Variants in SYNM observed in about 807,000 individuals in gnomAD.
SYNM encodes synemin.
A neutral mutation model predicts 104.0 loss-of-function variants in SYNM; 95 were observed. The observed-to-expected ratio is 0.91, with a 90% CI of 0.77 to 1.08. SYNM has a LOEUF of 1.08. Ranked by LOEUF, SYNM falls within the 50% of genes least tolerant of loss-of-function variation. SYNM has a pLI of 0.00. For missense variants in SYNM, 2,150 were observed against 2,052.2 expected, an observed-to-expected ratio of 1.05 and a Z score of -0.92; for synonymous variants, 918 against 869.0, an observed-to-expected ratio of 1.06 and a Z score of -0.99.
downstream of SYNM, among the ~76,000 whole-genome samples, chr15:99,135,794 C>G (rs562288144): frequency 4.5e-4 from 69 of 152,338 alleles, no homozygotes. Context: ...GAAAGCCTGG[C>G]AGACAGAGCA....
intron 2 of SYNM, among the ~76,000 whole-genome samples, chr15:99,125,427 C>A (rs1335527580): frequency 6.6e-6 from 1 of 152,232 alleles, no homozygotes; most frequent in Non-Finnish European, 1.5e-5. Flanking sequence ...GAGCGAAGGG[C>A]TGGGGCTCTG....
chr15:99,133,224 A>G lies in SYNM; in HGVS notation c.*166A>G. 1 of 1,385,426 alleles carries G rather than the reference A, an allele frequency of 7.2e-7. No individual in the cohort carries two copies. The highest frequency in any genetic ancestry group is 9.5e-7 in the Non-Finnish European group (1 of 1,057,116). The allele number at this position is 1,385,426 out of a possible 1,614,324, so 85.8% of individuals were successfully genotyped here. ...AATTTCCTTTATAGTTAATCCGTAA[A>G]GGTTTCCAGTTAATTCATGCCTTAA... is the stretch of plus-strand genomic sequence containing the variant. On this transcript the variant is annotated 3_prime_UTR_variant, in exon 4 of 4. Transcript: ENST00000336292.
the SYNM span, among the ~76,000 whole-genome samples, chr15:99,141,763 T>C: frequency 6.6e-6 from 1 of 152,174 alleles, no homozygotes; most frequent in East Asian, 1.9e-4. Context: ...AATGTTTCAG[T>C]CTGAGGAATT....
intron 2 of SYNM, among the ~76,000 whole-genome samples, chr15:99,125,504 C>T (rs1314897635): frequency 6.6e-6 from 1 of 152,260 alleles, no homozygotes; most frequent in African/African-American, 2.4e-5. Flanking sequence ...CGGGGCAGGC[C>T]CGCTGTGTGC....
chr15:99,105,458 G>C lies in SYNM; in HGVS notation c.259G>C (p.Ala87Pro), dbSNP rs1555482413. The change falls in exon 1 of 4, where the codon GCT (alanine) becomes CCT (proline). Residue 87 changes from alanine (A) to proline (P), a missense_variant. Transcript: ENST00000336292. The part of the protein sequence containing the change: ...ATALAEGERD[A>P]LRRELRELQR... ...TGCGCTGGCGGAGGGCGAGCGGGACGCTCTGCGGCGCGAGCTGCGGGAGCT... is the reference window on the plus strand; with the variant it reads ...TGCGCTGGCGGAGGGCGAGCGGGACCCTCTGCGGCGCGAGCTGCGGGAGCT... The C allele has an allele frequency of 7.1e-7, 1 of 1,403,160 alleles. No homozygotes were observed. The highest frequency in any genetic ancestry group is 3.1e-5 in the East Asian group (1 of 32,358). The allele number at this position is 1,403,160 out of a possible 1,614,324, so 86.9% of individuals were successfully genotyped here. A position where few individuals can be genotyped will look rare whatever the true frequency, so the allele number is the denominator to read the frequency against.
chr15:99,113,407 A>G (rs1192483484), intron 1 of SYNM, among the ~76,000 whole-genome samples, 184 bp from the exon 2 acceptor site: 2 of 152,336 alleles, frequency 1.3e-5, no homozygotes, highest in African/African-American at 4.8e-5. Context: ...AAACTTCCAT[A>G]TGGAAGAGAT....
At position 99,111,306 on chromosome 15, in the gene SYNM, T is replaced by C. The variant is rs1277093505; in HGVS notation, c.811-2285T>C. Among the ~76,000 whole-genome samples the C allele has an allele frequency of 4.6e-5, 7 of 152,366 alleles. No homozygotes were observed. In the East Asian group the frequency reaches 5.8e-4, roughly 13 times the overall value. ...ATTACTATAAATTTTTAATTTGTAA[T>C]AGTTATGTCAAATTTCCTGTAGTAG... On this transcript the variant is annotated intron_variant, in intron 1 of 3. Transcript: ENST00000336292.
chr15:99,139,255 T>C (rs781959295), downstream of SYNM: 1 of 1,586,364 alleles, frequency 6.3e-7, no homozygotes, highest in Non-Finnish European at 8.5e-7. Context: ...GAACCAGCTT[T>C]CTCTTGAGAT....
intron 2 of SYNM, among the ~76,000 whole-genome samples, chr15:99,118,601 A>T (rs1457338289): frequency 2.6e-5 from 4 of 152,236 alleles, no homozygotes; most frequent in Non-Finnish European, 5.9e-5. Flanking sequence ...CTTCTAGGTG[A>T]CTGTCACAGG....
Position 99,113,620 on chromosome 15 carries a change from G to A in SYNM, c.840G>A (p.Lys280=). 1 of 1,613,600 alleles carries A rather than the reference G, an allele frequency of 6.2e-7. No homozygotes were observed. The highest frequency in any genetic ancestry group is 1.3e-5 in the African/African-American group (1 of 75,036). ...TGATTGACTGCCTGGAGGATGAGAAGGCAACCCTCACCTTGGCCATGGCTG... is the reference window on the plus strand; with the variant it reads ...TGATTGACTGCCTGGAGGATGAGAAAGCAACCCTCACCTTGGCCATGGCTG... The part of the protein sequence containing the change: ...QRVIDCLEDE[K]ATLTLAMADW... The change falls in exon 2 of 4, where the codon AAG becomes AAA. Residue 280 remains lysine (K), a synonymous_variant. Coordinates refer to ENST00000336292, the MANE Select transcript of SYNM (RefSeq NM_145728.3).
At position 99,126,691 on chromosome 15, in the gene SYNM, A is replaced by G. The variant is rs542804088; in HGVS notation, c.936-31A>G. The G allele has an allele frequency of 1.3e-5, 20 of 1,550,946 alleles. No individual in the cohort carries two copies. The East Asian group carries it at 4.6e-4, about 35-fold the overall frequency. On this transcript the variant is annotated intron_variant, in intron 2 of 3. Coordinates refer to ENST00000336292, the MANE Select transcript of SYNM (RefSeq NM_145728.3). ...GGCACTTCTTACTCTTTCGTTTCCTAATGAATTATGTTTGTAAATTATTTT... is the reference window on the plus strand; with the variant it reads ...GGCACTTCTTACTCTTTCGTTTCCTGATGAATTATGTTTGTAAATTATTTT...
chr15:99,115,682 G>A (rs182376189), intron 2 of SYNM, among the ~76,000 whole-genome samples: 2,726 of 151,986 alleles, frequency 0.018, 83 homozygotes, highest in African/African-American at 0.062. Context: ...GGCTGGTCTC[G>A]AACTCCTGAC....
downstream of SYNM, among the ~76,000 whole-genome samples, chr15:99,135,824 T>A (rs2067567102): frequency 6.6e-6 from 1 of 152,222 alleles, no homozygotes; most frequent in Non-Finnish European, 1.5e-5. Context: ...TGGCTTGTAA[T>A]CAAATATACA....
chr15:99,124,741 C>T (rs2067431874), intron 2 of SYNM, among the ~76,000 whole-genome samples: 3 of 152,154 alleles, frequency 2.0e-5, no homozygotes, highest in Non-Finnish European at 4.4e-5. Flanking sequence ...AGCCGTATGC[C>T]CTTGACCAAG....
chr15:99,108,854 A>G (rs975194905), intron 1 of SYNM, among the ~76,000 whole-genome samples: 24 of 152,264 alleles, frequency 1.6e-4, no homozygotes, highest in African/African-American at 4.3e-4. Context: ...CATTCATAGC[A>G]TAATGATAAT....
At chr15:99,137,191 C>T (rs1278273608), downstream of SYNM, 2 of 152,334 alleles carry the variant, frequency 1.3e-5, no homozygotes, top group Admixed American at 6.5e-5. Context: ...GCTTCCTGTT[C>T]GACTTTGCCA....
Position 99,131,193 on chromosome 15 carries a change from C to G in SYNM, c.2833C>G (p.Pro945Ala), listed in dbSNP as rs1456247479. ...TSMKGISSKEPRQQLVEVIGQ... is the reference protein window; with the variant it reads ...TSMKGISSKEARQQLVEVIGQ... ...CATGAAGGGCATCTCCTCCAAGGAG[C>G]CCCGGCAGCAGCTGGTGGAGGTCAT... Residue 945 changes from proline to alanine, a missense_variant, in exon 4 of 4, where the codon CCC becomes GCC. Coordinates refer to ENST00000336292, the MANE Select transcript of SYNM (RefSeq NM_145728.3). The surrounding 1 kb of genome is among the most constrained non-coding windows in gnomAD (Gnocchi z 4.3). The G allele has an allele frequency of 6.2e-7, 1 of 1,608,106 alleles. No homozygotes were observed. The highest frequency in any genetic ancestry group is 8.5e-7 in the Non-Finnish European group (1 of 1,177,306).
Position 99,129,772 on chromosome 15 carries a change from C to A in SYNM, c.1412C>A (p.Ser471Ter). 6.2e-7 allele frequency: 1 copy of A among 1,613,486 alleles called. No homozygotes were observed. The highest frequency in any genetic ancestry group is 1.1e-5 in the South Asian group (1 of 91,068). ...GAAGATTCCACAATTGCCCGCGAGT[C>A]GTACCGGGATCGCCGAGACAAGGTG... ...IGEDSTIARE[S>*]YRDRRDKVAA... The change falls in exon 4 of 4, where the codon TCG becomes TAG. Residue 471 changes from serine (S) to a stop codon, truncating the protein, a stop_gained. Transcript: ENST00000336292. LOFTEE classifies it low-confidence loss of function (END_TRUNC).
chr15:99,137,152 CGTT>C (rs1596148256), downstream of SYNM: 1 of 152,318 alleles, frequency 6.6e-6, no homozygotes, highest in East Asian at 1.9e-4. Context: ...TGGATCTCCT[CGTT>C]GACATCGTGG....
Sources: allele counts gnomAD v4.1 joint callset (sites outside exome capture counted in the v4.1 genomes callset), GRCh38; gene constraint gnomAD v4.1.1; non-coding constraint Gnocchi (gnomAD v3.1); transcripts MANE v1.5; gene names NCBI Gene and HGNC (gene_info 2026-07-23, HGNC 2026-07-21).